Variants in MTCH1 observed in about 807,000 individuals in gnomAD.
MTCH1 encodes mitochondrial carrier homolog 1.
Under a neutral mutation model 49.3 loss-of-function variants are expected in MTCH1, and 23 were observed. The observed-to-expected ratio is 0.47, with a 90% CI of 0.34 to 0.66. The LOEUF (loss-of-function observed/expected upper bound fraction) is 0.66, where lower values mean the gene tolerates loss of function less well. Among genes scored for constraint, MTCH1 ranks in the 30% least tolerant of loss-of-function variants. The pLI is 0.01. For missense variants in MTCH1, 397 were observed against 532.1 expected, an observed-to-expected ratio of 0.75 and a Z score of 2.50; for synonymous variants, 229 against 215.2, an observed-to-expected ratio of 1.06 and a Z score of -0.56.
At chr6:36,985,607 C>T (rs1764272428) in intron 1 of MTCH1, among the ~76,000 whole-genome samples, 1 of 152,076 alleles carries the variant, frequency 6.6e-6, no homozygotes, top group South Asian at 2.1e-4. Flanking sequence ...TTCCTTCCAC[C>T]CTCTCCCGTA....
At chr6:36,986,273 G>A (rs2150756374), upstream of MTCH1, 9 of 1,117,892 alleles carry the variant, frequency 8.1e-6, no homozygotes, top group Middle Eastern at 3.3e-4. Flanking sequence ...AGGCCGCGGG[G>A]GAGCTCGGGA....
intron 1 of MTCH1, 115 bp from the exon 2 acceptor site, chr6:36,981,787 G>A (rs1764104542): frequency 2.4e-6 from 2 of 850,126 alleles, no homozygotes; most frequent in African/African-American, 1.8e-5. Context: ...AAATTCTAAT[G>A]TGGCTCTTGT....
At chr6:36,984,115 C>G (rs1198371850) in intron 1 of MTCH1, among the ~76,000 whole-genome samples, 1 of 152,162 alleles carries the variant, frequency 6.6e-6, no homozygotes, top group Non-Finnish European at 1.5e-5. Context: ...GCTCCAGTAT[C>G]CTTCACTCCA....
rs1350686138 is a variant in MTCH1 at position 36,985,847 on chromosome 6, C to G, written c.321+6G>C. 6.4e-7 allele frequency: 1 copy of G among 1,553,876 alleles called. No homozygotes were observed. Among genetic ancestry groups the G allele is most frequent in the East Asian group, 2.4e-5 (1 of 41,470 alleles). Reference sequence around the variant, plus strand: ...CCATCTCCCTACGGCGCCTCTGGTCCCCCACCTGGATGAGCAGCTTCACGT... The same window carrying G: ...CCATCTCCCTACGGCGCCTCTGGTCGCCCACCTGGATGAGCAGCTTCACGT... On this transcript the variant is annotated splice_donor_region_variant and intron_variant, in intron 1 of 11. Transcript: ENST00000373627.
At chr6:36,978,717 T>G in intron 2 of MTCH1, 106 bp from the exon 3 acceptor site, 1 of 916,476 alleles carries the variant, frequency 1.1e-6, no homozygotes. Context: ...AGGTAACTGC[T>G]GACTACAGGC....
intron 4 of MTCH1, 30 bp downstream of exon 4, chr6:36,978,048 A>T: frequency 6.4e-7 from 1 of 1,573,264 alleles, no homozygotes; most frequent in Non-Finnish European, 8.7e-7. Flanking sequence ...CCCTCCACGC[A>T]CCTCTCCCTC....
intron 7 of MTCH1, among the ~76,000 whole-genome samples, chr6:36,973,986 C>G (rs1763771062): frequency 6.6e-6 from 1 of 152,188 alleles, no homozygotes; most frequent in African/African-American, 2.4e-5. Flanking sequence ...ACAGACAGAA[C>G]CCAGAAGCCA....
At chr6:36,971,318 C>A (rs920636469) in intron 8 of MTCH1, among the ~76,000 whole-genome samples, 5 of 152,174 alleles carry the variant, frequency 3.3e-5, no homozygotes, top group Non-Finnish European at 7.3e-5. Flanking sequence ...GCCTTTAAGC[C>A]ACATACAGAA....
At chr6:36,985,706 A>AT in intron 1 of MTCH1, 147 bp downstream of exon 1, 28 of 228,038 alleles carry the variant, frequency 1.2e-4, no homozygotes, top group Non-Finnish European at 1.8e-4. Context: ...CTTCCCTCCC[A>AT]TCCCACCCAC....
chr6:36,969,338 TTCCC>T (rs1485857603), intron 11 of MTCH1: 1 of 1,108,994 alleles, frequency 9.0e-7, no homozygotes, highest in Non-Finnish European at 1.1e-6. Context: ...TCCTCCCTGC[TTCCC>T]TCCCATCTGT....
Position 36,986,114 on chromosome 6 carries a change from C to G in MTCH1, c.60G>C (p.Ala20=). 2.8e-6 allele frequency: 4 copies of G among 1,437,294 alleles called. No homozygotes were observed. The highest frequency in any genetic ancestry group is 1.4e-5 in the South Asian group (1 of 72,528). The allele number at this position is 1,437,294 out of a possible 1,614,324, so 89.0% of individuals were successfully genotyped here. ...PWARGGAAGM[A]GAGAGAGARG... is the part of the protein sequence containing the mutation. ...GAGCTCCGGCTCCAGCTCCGGCTCC[C>G]GCCATCCCCGCGGCACCGCCGCGAG... Residue 20 remains alanine, a synonymous_variant, in exon 1 of 12, where the codon GCG becomes GCC. Transcript: ENST00000373627.
At chr6:36,978,435 G>A in intron 3 of MTCH1, 70 bp downstream of exon 3, 2 of 1,473,140 alleles carry the variant, frequency 1.4e-6, no homozygotes, top group Non-Finnish European at 1.9e-6. Flanking sequence ...CAGGGTAACT[G>A]GCTGCTGCAG....
upstream of MTCH1, chr6:36,986,247 C>A (rs745977431): frequency 1.3e-3 from 1,753 of 1,304,024 alleles, 8 homozygotes; most frequent in Non-Finnish European, 1.5e-3. Context: ...GGGGCGGGGC[C>A]GGGGCGCACC....
rs200244084 is a variant in MTCH1 at position 36,978,074 on chromosome 6, C to T, written c.591+4G>A. 107 of 1,609,734 alleles carry T rather than the reference C, an allele frequency of 6.6e-5. No homozygotes were observed. Among genetic ancestry groups the T allele is most frequent in the Non-Finnish European group, 8.8e-5 (104 of 1,175,974 alleles). On this transcript the variant is annotated splice_donor_region_variant and intron_variant, in intron 4 of 11. Coordinates refer to ENST00000373627, the MANE Select transcript of MTCH1 (RefSeq NM_001271641.2). Reference sequence around the variant, plus strand: ...CCTCTCCCTCTCCAACTCTCAACACCCACCTCCTTCACAACTTTCTTCAGG... The same window carrying T: ...CCTCTCCCTCTCCAACTCTCAACACTCACCTCCTTCACAACTTTCTTCAGG...
chr6:36,970,211 T>C, intron 10 of MTCH1, 97 bp from the exon 11 acceptor site: 2 of 1,462,590 alleles, frequency 1.4e-6, no homozygotes, highest in Non-Finnish European at 1.9e-6. Flanking sequence ...CTACCACCCA[T>C]CCACACCCTG....
chr6:36,985,892 C>G lies in MTCH1; in HGVS notation c.282G>C (p.Ala94=). 6.4e-7 allele frequency: 1 copy of G among 1,559,134 alleles called. No individual in the cohort carries two copies. The highest frequency in any genetic ancestry group is 8.7e-7 in the Non-Finnish European group (1 of 1,151,520). The change falls in exon 1 of 12, where the codon GCG becomes GCC. Residue 94 remains alanine, a synonymous_variant. Coordinates refer to ENST00000373627, the MANE Select transcript of MTCH1 (RefSeq NM_001271641.2). ...TCACGTAGAGCAGGGGATGGCTGAG[C>G]GCCGTCACGCCCGCGCCCAGTGCCA... ...LFVALGAGVT[A]LSHPLLYVKL...
intron 2 of MTCH1, among the ~76,000 whole-genome samples, chr6:36,981,341 G>T (rs141308164): frequency 8.8e-4 from 134 of 152,298 alleles, no homozygotes; most frequent in African/African-American, 3.0e-3. Context: ...ACCTGTGTCT[G>T]TCCCCTCCTG....
At chr6:36,971,159 C>G (rs1385421001) in intron 8 of MTCH1, among the ~76,000 whole-genome samples, 1 of 152,150 alleles carries the variant, frequency 6.6e-6, no homozygotes, top group African/African-American at 2.4e-5. Flanking sequence ...TTTGCTGAAG[C>G]AAACAGCTCC....
At chr6:36,981,190 A>C (rs903995805) in intron 2 of MTCH1, among the ~76,000 whole-genome samples, 11 of 151,456 alleles carry the variant, frequency 7.3e-5, no homozygotes, top group Non-Finnish European at 1.2e-4. Context: ...ACTCAAGAGG[A>C]CCCCCCGGGC....
Sources: gnomAD v4.1 joint callset for allele counts (sites outside exome capture counted in the v4.1 genomes callset) on GRCh38, gnomAD v4.1.1 for gene constraint, MANE v1.5 for transcripts, NCBI Gene and HGNC (gene_info 2026-07-23, HGNC 2026-07-21) for gene names.